LNX1: variants seen among roughly 807,000 people sequenced by gnomAD.
LNX1 encodes ligand of numb-protein X 1.
LNX1 carries 54 observed loss-of-function variants against 68.4 expected under a neutral mutation model. That is an observed-to-expected ratio of 0.79 (90% CI 0.63 to 0.99). The LOEUF is 0.99. LNX1 is among the 50% of genes least tolerant of loss of function. The pLI is 0.00. For missense variants in LNX1, 906 were observed against 926.4 expected (o/e 0.98, Z 0.29); for synonymous variants, 336 against 350.0 (o/e 0.96, Z 0.45).
At chr4:53,590,081 C>G (rs902835303) in intron 1 of LNX1, among the ~76,000 whole-genome samples, 2 of 152,092 alleles carry the variant, frequency 1.3e-5, no homozygotes, top group Admixed American at 1.3e-4. Flanking sequence ...CCAAACCCCC[C>G]CCCTTAAACT....
chr4:53,610,096 A>G (rs915220441), intron 2 of LNX1, among the ~76,000 whole-genome samples: 17 of 151,978 alleles, frequency 1.1e-4, no homozygotes, highest in African/African-American at 3.6e-4. Context: ...ATAAACCTCC[A>G]TATTCCTGAT....
intron 1 of LNX1, among the ~76,000 whole-genome samples, chr4:53,642,223 TAAAAAAA>T (rs745476837): frequency 1.0e-5 from 1 of 96,308 alleles, no homozygotes; most frequent in Non-Finnish European, 2.2e-5. Context: ...AATCCTATCT[TAAAAAAA>T]AAAAAAAAAA....
At position 53,636,441 on chromosome 4, in the gene LNX1, C is replaced by T. The variant is rs1734482402; in HGVS notation, c.-215+15727G>A. On this transcript the variant is annotated intron_variant, in intron 1 of 2. Transcript: ENST00000507168. ...AGGCATCTTTGGGACTCTGGTGAGA[C>T]ATTCTTGTCCCTCAGAGTAGAAAAA... 2.0e-5 allele frequency among the ~76,000 whole-genome samples: 3 copies of T among 152,016 alleles called. No homozygotes were observed. The South Asian group carries it at 6.2e-4, about 32-fold the overall frequency.
At chr4:53,615,945 A>G (rs1162663689) in intron 2 of LNX1, among the ~76,000 whole-genome samples, 4 of 152,166 alleles carry the variant, frequency 2.6e-5, no homozygotes, top group African/African-American at 9.7e-5. Context: ...AAAATGTACA[A>G]TTATTATTGA....
rs1359152286 is a variant in LNX1 at position 53,646,931 on chromosome 4, T to C, written c.-215+5237A>G. Among the ~76,000 whole-genome samples, 12 of 152,188 alleles carry C rather than the reference T, an allele frequency of 7.9e-5. No homozygotes were observed. The East Asian group carries it at 2.3e-3, about 29-fold the overall frequency. ...CCACCCCTTTGCCCGGGAGTTGAAATGAACCTGTGTGTTTAGAAGTGGAGG... is the reference window on the plus strand; with the variant it reads ...CCACCCCTTTGCCCGGGAGTTGAAACGAACCTGTGTGTTTAGAAGTGGAGG... On this transcript the variant is annotated intron_variant, in intron 1 of 2. Transcript: ENST00000507168.
chr4:53,624,672 C>T (rs1734009187), intron 1 of LNX1, among the ~76,000 whole-genome samples: 1 of 152,166 alleles, frequency 6.6e-6, no homozygotes, highest in Admixed American at 6.5e-5. Flanking sequence ...CTAGGGTTCT[C>T]AGAATCTACA....
At chr4:53,542,625 C>T (rs1005059216) in intron 2 of LNX1, among the ~76,000 whole-genome samples, 1 of 152,144 alleles carries the variant, frequency 6.6e-6, no homozygotes, top group Non-Finnish European at 1.5e-5. Context: ...ATAGGTTAGA[C>T]ATGGGTACAT....
rs370993413 is a variant in LNX1, at chr4:53,469,883, T to C, written c.1892+6870A>G. ...TAACCAAAAAAAGTCCAGGACCAGA[T>C]GGATTCACAGCCGAATTCTACCAGA... is the stretch of plus-strand genomic sequence containing the variant. On this transcript the variant is annotated intron_variant, in intron 9 of 10. Coordinates refer to ENST00000263925, the MANE Select transcript of LNX1 (RefSeq NM_001126328.3). 2.6e-4 allele frequency among the ~76,000 whole-genome samples: 40 copies of C among 152,296 alleles called. No individual in the cohort carries two copies. In the South Asian group the frequency reaches 7.9e-3, roughly 30 times the overall value.
intron 2 of LNX1, among the ~76,000 whole-genome samples, chr4:53,606,486 CAA>C (rs34922679): frequency 0.41 from 61,232 of 150,724 alleles, 12,522 homozygotes; most frequent in Admixed American, 0.45. Context: ...AAAAAACAAA[CAA>C]AAAAAAAACA....
chr4:53,472,004 T>C (rs1168942012), intron 9 of LNX1, among the ~76,000 whole-genome samples: 1 of 152,194 alleles, frequency 6.6e-6, no homozygotes, highest in Non-Finnish European at 1.5e-5. Flanking sequence ...CCCAAAGGAT[T>C]ATAAATCATG....
rs114688619 is a variant in LNX1 at position 53,572,025 on chromosome 4, C to T, written c.380+1598G>A. Among the ~76,000 whole-genome samples, 890 of 152,264 alleles carry T rather than the reference C, an allele frequency of 5.8e-3. 5 individuals are homozygous for T. The highest frequency in any genetic ancestry group is 0.02 in the African/African-American group (839 of 41,554). ...CAGCAGCAACAAGAAATGAACACAG[C>T]TCCCCAGCACAAATGTATAATTGCA... On this transcript the variant is annotated intron_variant, in intron 2 of 10. Transcript: ENST00000263925.
intron 1 of LNX1, among the ~76,000 whole-genome samples, chr4:53,623,746 C>T (rs948227718): frequency 9.3e-5 from 14 of 150,732 alleles, no homozygotes; most frequent in African/African-American, 3.4e-4. Context: ...TCATATAACC[C>T]TCACACTAGC....
chr4:53,486,232 C>A (rs1286543936), intron 6 of LNX1, among the ~76,000 whole-genome samples: 2 of 152,130 alleles, frequency 1.3e-5, no homozygotes, highest in Non-Finnish European at 2.9e-5. Context: ...TGGTGGTCCT[C>A]CGCTCCTGGC....
chr4:53,520,452 C>T (rs1309549723), intron 2 of LNX1, among the ~76,000 whole-genome samples: 3 of 152,158 alleles, frequency 2.0e-5, no homozygotes, highest in Non-Finnish European at 2.9e-5. Flanking sequence ...ACGCCAGAAT[C>T]GTTTGTTCAT....
At chr4:53,526,550 G>A (rs1727624189) in intron 2 of LNX1, among the ~76,000 whole-genome samples, 3 of 151,870 alleles carry the variant, frequency 2.0e-5, no homozygotes, top group Non-Finnish European at 4.4e-5. Flanking sequence ...TAACAGTGAT[G>A]AGAGGCTTTT....
intron 2 of LNX1, among the ~76,000 whole-genome samples, chr4:53,607,714 T>A (rs2109843742): frequency 6.6e-6 from 1 of 152,264 alleles, no homozygotes; most frequent in East Asian, 1.9e-4. Context: ...ATTACCCAAC[T>A]TCAAACTATA....
chr4:53,542,817 G>A (rs942513288), intron 2 of LNX1, among the ~76,000 whole-genome samples: 2 of 152,166 alleles, frequency 1.3e-5, no homozygotes, highest in Non-Finnish European at 2.9e-5. Context: ...ACGTGACCCA[G>A]AGTGATGTTT....
At chr4:53,464,774 T>G (rs1438834708) in intron 9 of LNX1, among the ~76,000 whole-genome samples, 1 of 151,950 alleles carries the variant, frequency 6.6e-6, no homozygotes, top group Non-Finnish European at 1.5e-5. Flanking sequence ...ACAGAAGATT[T>G]TAAAGCAATT....
At chr4:53,510,400 G>C (rs1579440015) in intron 2 of LNX1, among the ~76,000 whole-genome samples, 1 of 152,198 alleles carries the variant, frequency 6.6e-6, no homozygotes, top group Non-Finnish European at 1.5e-5. Context: ...AGTAGAAAAG[G>C]AGTTTGGTTA....
Sources: gnomAD v4.1 joint callset for allele counts (sites outside exome capture counted in the v4.1 genomes callset) on GRCh38, gnomAD v4.1.1 for gene constraint, MANE v1.5 for transcripts, NCBI Gene and HGNC (gene_info 2026-07-23, HGNC 2026-07-21) for gene names.